The following NFX1 variants were observed in gnomAD, a reference collection of about 807,000 sequenced individuals.
NFX1 encodes nuclear transcription factor, X-box binding 1.
In NFX1, 69 loss-of-function variants were observed where a neutral mutation model predicts 137.2. The observed-to-expected ratio is 0.50, with a 90% CI of 0.41 to 0.61. The LOEUF (loss-of-function observed/expected upper bound fraction) is 0.61, where lower values mean the gene tolerates loss of function less well. Among genes scored for constraint, NFX1 ranks in the 20% least tolerant of loss-of-function variants. NFX1 has a pLI of 0.00. For synonymous variants in NFX1, 495 were observed against 474.1 expected (o/e 1.04, Z -0.57); for missense variants, 1,167 against 1,391.0 (o/e 0.84, Z 2.56).
chr9:33,335,394 C>G (rs1328321951), intron 11 of NFX1, among the ~76,000 whole-genome samples: 1 of 151,876 alleles, frequency 6.6e-6, no homozygotes, highest in East Asian at 1.9e-4. Context: ...CCATGCCTGG[C>G]TAATTTTTTT....
At chr9:33,367,430 A>C in intron 22 of NFX1, 85 bp from the exon 23 acceptor site, 1 of 1,433,544 alleles carries the variant, frequency 7.0e-7, no homozygotes, top group Non-Finnish European at 9.7e-7. Flanking sequence ...CATAGTGCCA[A>C]AATCAAGGGC....
intron 15 of NFX1, among the ~76,000 whole-genome samples, chr9:33,350,352 A>G (rs1008849235): frequency 2.0e-5 from 3 of 151,084 alleles, no homozygotes; most frequent in African/African-American, 7.3e-5. Context: ...TGGCCCTGCC[A>G]TCAGTCTCAG....
intron 15 of NFX1, among the ~76,000 whole-genome samples, chr9:33,348,949 A>T (rs1358971977): frequency 6.6e-6 from 1 of 152,148 alleles, no homozygotes; most frequent in East Asian, 1.9e-4. Flanking sequence ...CATTTCATGA[A>T]ACTCTTGACA....
intron 10 of NFX1, 69 bp from the exon 11 acceptor site, chr9:33,332,395 ACCTATGGC>A (rs1822839683): frequency 7.4e-7 from 1 of 1,355,116 alleles, no homozygotes; most frequent in Admixed American, 1.9e-5. Flanking sequence ...TATTCTTGTT[ACCTATGGC>A]ATTATATTAT....
At chr9:33,352,761 A>C in intron 17 of NFX1, 42 bp downstream of exon 17, 1 of 1,498,478 alleles carries the variant, frequency 6.7e-7, no homozygotes, top group Non-Finnish European at 9.3e-7. Flanking sequence ...GCCTAGGTGA[A>C]ACAGATACAT....
Position 33,344,293 on chromosome 9 carries a change from C to G in NFX1, c.2344+105C>G, listed in dbSNP as rs186281307. 1.5e-5 allele frequency: 22 copies of G among 1,496,634 alleles called. No homozygotes were observed. The East Asian group carries it at 5.2e-4, about 35-fold the overall frequency. 92.7% of individuals were successfully genotyped at this position (1,496,634 alleles called of 1,614,324 possible). On this transcript the variant is annotated intron_variant, in intron 14 of 23. Coordinates refer to ENST00000379540, the MANE Select transcript of NFX1 (RefSeq NM_002504.6). ...CTCTAGAGTCATGCTGTGATGGCTG[C>G]CCCTTGCTCCCGGCTCAGGGGCTGG... is the stretch of plus-strand genomic sequence containing the variant.
At position 33,294,599 on chromosome 9, in the gene NFX1, C is replaced by G. The variant is rs748421806; in HGVS notation, c.205C>G (p.His69Asp). 6.2e-7 allele frequency: 1 copy of G among 1,614,160 alleles called. No homozygotes were observed. The highest frequency in any genetic ancestry group is 8.5e-7 in the Non-Finnish European group (1 of 1,180,020). The change falls in exon 2 of 24, where the codon CAT becomes GAT. Residue 69 changes from histidine (H) to aspartate (D), a missense_variant. Transcript: ENST00000379540. ...CCCTTATGATGAAATCTCTGCTGTT[C>G]ATCAGCATAGTTATCATCCGTCAGG... The part of the protein sequence containing the change: ...QVPYDEISAV[H>D]QHSYHPSGSK...
chr9:33,337,290 C>T (rs1362324064), intron 11 of NFX1, among the ~76,000 whole-genome samples: 1 of 152,134 alleles, frequency 6.6e-6, no homozygotes, highest in African/African-American at 2.4e-5. Flanking sequence ...TTTCTAATAG[C>T]ATTTACATTA....
intron 10 of NFX1, among the ~76,000 whole-genome samples, chr9:33,332,204 T>C (rs1438944203): frequency 6.6e-6 from 1 of 152,200 alleles, no homozygotes; most frequent in Non-Finnish European, 1.5e-5. Flanking sequence ...TAATTATTAG[T>C]CTACTGTGAA....
chr9:33,338,830 A>G (rs1823110118), intron 12 of NFX1, among the ~76,000 whole-genome samples: 1 of 152,160 alleles, frequency 6.6e-6, no homozygotes, highest in African/African-American at 2.4e-5. Flanking sequence ...AGAGGAAGAG[A>G]AAGAGATAAG....
intron 23 of NFX1, 84 bp downstream of exon 23, chr9:33,367,703 C>T: frequency 7.6e-7 from 1 of 1,310,932 alleles, no homozygotes; most frequent in Admixed American, 1.8e-5. Flanking sequence ...CTGCACCAGC[C>T]ATTGGTGGCC....
intron 10 of NFX1, among the ~76,000 whole-genome samples, chr9:33,332,065 G>C (rs1822826951): frequency 6.6e-6 from 1 of 151,824 alleles, no homozygotes. Context: ...GCATTAAATG[G>C]TACAGATTGT....
At position 33,342,866 on chromosome 9, in the gene NFX1, T is replaced by C. The variant is rs759312653; in HGVS notation, c.2224+12T>C. ...ATGCTGGCAAGCCAGTGAGTGTCTTTACTGTATAGTTTATTAGAAGAGTTT... is the reference window on the plus strand; with the variant it reads ...ATGCTGGCAAGCCAGTGAGTGTCTTCACTGTATAGTTTATTAGAAGAGTTT... On this transcript the variant is annotated intron_variant, in intron 13 of 23. Transcript: ENST00000379540. 7 of 1,560,078 alleles carry C rather than the reference T, an allele frequency of 4.5e-6. No individual in the cohort carries two copies. The highest frequency in any genetic ancestry group is 1.7e-4 in the Middle Eastern group (1 of 5,960).
At chr9:33,300,871 G>A (rs896174549) in intron 2 of NFX1, among the ~76,000 whole-genome samples, 8 of 152,304 alleles carry the variant, frequency 5.3e-5, no homozygotes, top group South Asian at 2.1e-4. Flanking sequence ...ACAGCTTCAC[G>A]AGCCTCTTTC....
intron 7 of NFX1, among the ~76,000 whole-genome samples, chr9:33,317,140 C>T (rs1022058286): frequency 1.3e-5 from 2 of 151,738 alleles, no homozygotes; most frequent in Non-Finnish European, 2.9e-5. Context: ...GCATATAGGC[C>T]GGGTGTAGTG....
At chr9:33,344,631 G>C (rs935900058) in intron 14 of NFX1, among the ~76,000 whole-genome samples, 7 of 148,946 alleles carry the variant, frequency 4.7e-5, no homozygotes, top group African/African-American at 1.7e-4. Flanking sequence ...CTTTGGGAGA[G>C]CAAGGAGGGG....
At chr9:33,308,280 A>G (rs1821833779) in intron 5 of NFX1, among the ~76,000 whole-genome samples, 1 of 152,132 alleles carries the variant, frequency 6.6e-6, no homozygotes, top group Non-Finnish European at 1.5e-5. Context: ...CGTCTCTACA[A>G]AAAAATTTAA....
intron 1 of NFX1, among the ~76,000 whole-genome samples, chr9:33,290,925 A>C (rs115399783): frequency 6.6e-6 from 1 of 152,206 alleles, no homozygotes; most frequent in Non-Finnish European, 1.5e-5. Context: ...GCCAGGTCAC[A>C]GCCAGTGACG....
intron 4 of NFX1, among the ~76,000 whole-genome samples, chr9:33,305,274 C>T (rs1458748891): frequency 6.6e-6 from 1 of 152,186 alleles, no homozygotes; most frequent in African/African-American, 2.4e-5. Context: ...GAGAAGCCTT[C>T]TTGGAGGAGG....
Sources: allele counts gnomAD v4.1 joint callset (sites outside exome capture counted in the v4.1 genomes callset), GRCh38; gene constraint gnomAD v4.1.1; transcripts MANE v1.5; gene names NCBI Gene and HGNC (gene_info 2026-07-23, HGNC 2026-07-21).